The following TTC7A variants were observed in gnomAD, a reference collection of about 807,000 sequenced individuals.
TTC7A encodes tetratricopeptide repeat protein 7A.
Under a neutral mutation model 103.7 loss-of-function variants are expected in TTC7A, and 110 were observed. The ratio of observed to expected loss-of-function variants is 1.06; its 90% CI spans 0.91 to 1.24. The LOEUF (loss-of-function observed/expected upper bound fraction) is 1.24, where lower values mean the gene tolerates loss of function less well. Ranked by LOEUF, TTC7A falls within the 50% of genes most tolerant of loss-of-function variation. The pLI is 0.00. For synonymous variants in TTC7A, 521 were observed against 467.9 expected (o/e 1.11, Z -1.47); for missense variants, 1,340 against 1,116.3 (o/e 1.20, Z -2.86).
At chr2:47,029,115 G>T in intron 14 of TTC7A, 109 bp from the exon 15 acceptor site, 1 of 1,339,490 alleles carries the variant, frequency 7.5e-7, no homozygotes, top group South Asian at 1.3e-5. Flanking sequence ...CCCAGTGCCT[G>T]GGGCTCCCTT....
rs1678029487 is a variant in TTC7A at position 47,011,378 on chromosome 2, C to T, written c.1335C>T (p.Pro445=). 1.2e-6 allele frequency: 2 copies of T among 1,612,508 alleles called. No individual in the cohort carries two copies. The highest frequency in any genetic ancestry group is 1.7e-6 in the Non-Finnish European group (2 of 1,179,946). The stretch of plus-strand genomic sequence containing the variant: ...TGCGGGAGTGTGTGAAGTTGCGGCC[C>T]TCGGACCCCACCGTGCCCCTGATGG... ...SLLRECVKLR[P]SDPTVPLMAA... The change falls in exon 11 of 20, where the codon CCC becomes CCT. Residue 445 remains proline (P), a synonymous_variant. Transcript: ENST00000319190.
At chr2:47,043,872 C>G (rs546042577) in intron 15 of TTC7A, among the ~76,000 whole-genome samples, 12 of 152,344 alleles carry the variant, frequency 7.9e-5, no homozygotes, top group African/African-American at 2.6e-4. Flanking sequence ...CAGTTTTCAT[C>G]CACTTCTTTG....
chr2:46,997,128 G>A (rs1011260201), intron 8 of TTC7A, among the ~76,000 whole-genome samples: 32 of 152,154 alleles, frequency 2.1e-4, no homozygotes, highest in African/African-American at 7.0e-4. Context: ...ACAGGTGCGC[G>A]CCACCACACC....
rs1315722693 is a variant in TTC7A at position 46,941,602 on chromosome 2, C to G, written c.61C>G (p.Arg21Gly). ...LKVESELERC[R>G]AEGHWDRMPE... ...GGTGGAGAGCGAGCTGGAGCGCTGCCGCGCCGAGGGCCACTGGGACCGCAT... is the reference window on the plus strand; with the variant it reads ...GGTGGAGAGCGAGCTGGAGCGCTGCGGCGCCGAGGGCCACTGGGACCGCAT... The change falls in exon 1 of 20, where the codon CGC becomes GGC. Residue 21 changes from arginine to glycine, a missense_variant. By Grantham distance (125) the Arg-to-Gly change is moderately radical. Coordinates refer to ENST00000319190, the MANE Select transcript of TTC7A (RefSeq NM_020458.4). This position sits in a 1 kb window ranked among gnomAD's most constrained non-coding sequence, Gnocchi z 4.2. 7 of 1,556,758 alleles carry G rather than the reference C, an allele frequency of 4.5e-6. No homozygotes were observed. Among genetic ancestry groups the G allele is most frequent in the Middle Eastern group, 3.4e-4 (2 of 5,970 alleles).
In TTC7A at chr2:47,018,003, G is replaced by A. The variant is rs149674010; in HGVS notation, c.1393-3859G>A. Reference sequence around the variant, plus strand: ...CATATATATATGAACCTGGCTAGCTGCAGTGGCTCACTCCTGTAATCCCAG... The same window carrying A: ...CATATATATATGAACCTGGCTAGCTACAGTGGCTCACTCCTGTAATCCCAG... On this transcript the variant is annotated intron_variant, in intron 11 of 19. Coordinates refer to ENST00000319190, the MANE Select transcript of TTC7A (RefSeq NM_020458.4). 2.1e-3 allele frequency among the ~76,000 whole-genome samples: 315 copies of A among 152,204 alleles called. 4 individuals are homozygous for A. In the East Asian group the frequency reaches 0.03, roughly 14 times the overall value.
intron 5 of TTC7A, among the ~76,000 whole-genome samples, chr2:46,982,212 A>G (rs2104297717): frequency 6.6e-6 from 1 of 151,964 alleles, no homozygotes; most frequent in East Asian, 1.9e-4. Context: ...GTCTCTACAA[A>G]AAATAAACAA....
rs780814086 is a variant in TTC7A, at chr2:46,974,997, A to G, written c.542A>G (p.Asn181Ser). The part of the protein sequence containing the change: ...IKGLSLERLP[N>S]SIASRFRLTE... ...GGCCTCTCTCTGGAACGCCTACCCA[A>G]CTCCATCGCCTCCCGCTTCCGCCTG... Residue 181 changes from asparagine (N) to serine (S), a missense_variant, in exon 4 of 20, where the codon AAC becomes AGC. Asn to Ser is a conservative substitution (Grantham distance 46). Transcript: ENST00000319190. 4 of 1,613,640 alleles carry G rather than the reference A, an allele frequency of 2.5e-6. No individual in the cohort carries two copies. The highest frequency in any genetic ancestry group is 1.7e-5 in the Admixed American group (1 of 59,962).
intron 15 of TTC7A, among the ~76,000 whole-genome samples, chr2:47,045,944 A>G (rs192662445): frequency 2.6e-5 from 4 of 152,298 alleles, no homozygotes; most frequent in Non-Finnish European, 5.9e-5. Flanking sequence ...TCCCACGATC[A>G]TTAGGCACAG....
intron 1 of TTC7A, among the ~76,000 whole-genome samples, chr2:46,946,833 G>C (rs1670984323): frequency 6.6e-6 from 1 of 152,214 alleles, no homozygotes; most frequent in Non-Finnish European, 1.5e-5. Flanking sequence ...AGGAAGGCAA[G>C]AGAGAGGTAG....
chr2:47,005,467 G>T (rs1677277508), intron 8 of TTC7A, among the ~76,000 whole-genome samples: 1 of 152,206 alleles, frequency 6.6e-6, no homozygotes, highest in African/African-American at 2.4e-5. Context: ...AAAAATGCCA[G>T]TGTCATGAGA....
chr2:47,063,086 G>A (rs534341635), intron 19 of TTC7A, among the ~76,000 whole-genome samples: 2 of 152,354 alleles, frequency 1.3e-5, no homozygotes, highest in Admixed American at 1.3e-4. Context: ...TTAGTGAGTC[G>A]ATCTCAAGTG....
At chr2:46,957,098 T>C in intron 3 of TTC7A, 91 bp downstream of exon 3, 1 of 1,526,362 alleles carries the variant, frequency 6.6e-7, no homozygotes, top group Non-Finnish European at 9.0e-7. Context: ...GTGTCCAGAT[T>C]CTTCACCCCT....
chr2:47,060,618 A>C (rs1373159824), intron 18 of TTC7A, 151 bp from the exon 19 acceptor site: 2 of 662,322 alleles, frequency 3.0e-6, no homozygotes, highest in Admixed American at 5.9e-5. Flanking sequence ...TTCCCACTAC[A>C]TCCTATAGTC....
intron 3 of TTC7A, among the ~76,000 whole-genome samples, chr2:46,963,991 G>A (rs1335547044): frequency 6.6e-6 from 1 of 152,162 alleles, no homozygotes; most frequent in Admixed American, 6.5e-5. Context: ...GGAAAACCAG[G>A]GTACGGTTAT....
At chr2:47,061,319 C>T (rs1454394053) in intron 19 of TTC7A, among the ~76,000 whole-genome samples, 1 of 152,160 alleles carries the variant, frequency 6.6e-6, no homozygotes, top group South Asian at 2.1e-4. Flanking sequence ...AGACCCTTGC[C>T]CTGAAGGCTA....
At chr2:46,934,704 C>T (rs1285786113) in intron 2 of TTC7A, among the ~76,000 whole-genome samples, 1 of 148,568 alleles carries the variant, frequency 6.7e-6, no homozygotes, top group East Asian at 2.0e-4. Context: ...AACAAACAAA[C>T]AAAAAAACCC....
intron 2 of TTC7A, among the ~76,000 whole-genome samples, chr2:46,925,282 G>T (rs1269003032): frequency 6.6e-6 from 1 of 152,168 alleles, no homozygotes; most frequent in Non-Finnish European, 1.5e-5. Flanking sequence ...GTTGAGCTGG[G>T]TGCAGTGGCT....
At chr2:47,024,580 T>G (rs961492288) in intron 14 of TTC7A, among the ~76,000 whole-genome samples, 56 of 152,196 alleles carry the variant, frequency 3.7e-4, no homozygotes, top group African/African-American at 1.3e-3. Context: ...GAAGGGCGTG[T>G]TCTCCGCCCT....
rs142687782 is a variant in TTC7A, at chr2:47,025,173, G to A, written c.1641+814G>A. ...GCTCCAGGCCGGCGGAGGGAAGCCCGAAGAAGCCCATGTATTTGCTGTCAG... is the reference window on the plus strand; with the variant it reads ...GCTCCAGGCCGGCGGAGGGAAGCCCAAAGAAGCCCATGTATTTGCTGTCAG... On this transcript the variant is annotated intron_variant, in intron 14 of 19. Transcript: ENST00000319190. Among the ~76,000 whole-genome samples, 457 of 152,316 alleles carry A rather than the reference G, an allele frequency of 3.0e-3. 3 individuals carry two copies. Among genetic ancestry groups the A allele is most frequent in the African/African-American group, 0.01 (434 of 41,580 alleles).
Sources: allele counts gnomAD v4.1 joint callset (sites outside exome capture counted in the v4.1 genomes callset), GRCh38; gene constraint gnomAD v4.1.1; non-coding constraint Gnocchi (gnomAD v3.1); transcripts MANE v1.5; gene names NCBI Gene and HGNC (gene_info 2026-07-23, HGNC 2026-07-21).